GRIP1: variants seen among roughly 807,000 people sequenced by gnomAD.
The protein encoded by GRIP1 is glutamate receptor-interacting protein 1.
GRIP1 carries 45 observed loss-of-function variants against 129.9 expected under a neutral mutation model. The observed-to-expected ratio is 0.35, with a 90% CI of 0.27 to 0.44. GRIP1 has a LOEUF of 0.44. Ranked by LOEUF, GRIP1 falls within the 20% of genes least tolerant of loss-of-function variation. GRIP1 has a pLI of 1.00. For missense variants in GRIP1, 1,196 were observed against 1,396.8 expected (o/e 0.86, Z 2.29); for synonymous variants, 530 against 520.8 (o/e 1.02, Z -0.24).
chr12:66,488,696 G>GA (rs2060023181), intron 7 of GRIP1, among the ~76,000 whole-genome samples: 1 of 73,140 alleles, frequency 1.4e-5, no homozygotes, highest in Non-Finnish European at 2.7e-5. Flanking sequence ...CTGCTTTTTT[G>GA]AAAAAATTAA....
At chr12:66,563,316 C>T (rs1332637619) in intron 2 of GRIP1, among the ~76,000 whole-genome samples, 6 of 151,862 alleles carry the variant, frequency 4.0e-5, no homozygotes, top group Non-Finnish European at 8.8e-5. Context: ...GAGTTTGAGG[C>T]TTGGATTTAG....
intron 1 of GRIP1, among the ~76,000 whole-genome samples, chr12:66,648,632 G>A (rs575140582): frequency 1.3e-5 from 2 of 152,274 alleles, no homozygotes; most frequent in Admixed American, 6.5e-5. Flanking sequence ...TAATGTATTC[G>A]AGTCACCAAT....
intron 1 of GRIP1, among the ~76,000 whole-genome samples, chr12:67,002,868 T>C (rs1021286967): frequency 7.2e-5 from 11 of 152,236 alleles, no homozygotes; most frequent in Non-Finnish European, 1.3e-4. Flanking sequence ...AGAATCACAG[T>C]TGGCTTTTTG....
At chr12:67,013,980 C>T (rs1592467558) in intron 1 of GRIP1, among the ~76,000 whole-genome samples, 1 of 152,208 alleles carries the variant, frequency 6.6e-6, no homozygotes, top group Non-Finnish European at 1.5e-5. Context: ...GCTCTCTTTT[C>T]TGCTGACAAA....
chr12:66,861,992 C>A (rs767037560), intron 1 of GRIP1, among the ~76,000 whole-genome samples: 1 of 152,014 alleles, frequency 6.6e-6, no homozygotes, highest in Non-Finnish European at 1.5e-5. Flanking sequence ...AAGAACAGAT[C>A]ATTTAGGTCT....
chr12:66,980,496 A>G (rs7297650), intron 1 of GRIP1, among the ~76,000 whole-genome samples: 24,059 of 152,086 alleles, frequency 0.16, 2,013 homozygotes, highest in African/African-American at 0.19. Context: ...CTGTAGTCCC[A>G]GCTACTTGGG....
At chr12:66,819,265 G>T (rs1456611764) in intron 1 of GRIP1, among the ~76,000 whole-genome samples, 1 of 152,142 alleles carries the variant, frequency 6.6e-6, no homozygotes, top group Non-Finnish European at 1.5e-5. Flanking sequence ...AAGCTCAGTA[G>T]ATGGAAATTT....
intron 1 of GRIP1, among the ~76,000 whole-genome samples, chr12:66,734,060 AG>A (rs1470914961): frequency 6.6e-6 from 1 of 152,228 alleles, no homozygotes; most frequent in East Asian, 1.9e-4. Context: ...CAAAAGCAGC[AG>A]GAATCAAAGT....
chr12:66,803,213 TGAA>T (rs2038908064), intron 1 of GRIP1, among the ~76,000 whole-genome samples: 1 of 152,236 alleles, frequency 6.6e-6, no homozygotes, highest in Non-Finnish European at 1.5e-5. Context: ...AGATCCTTAT[TGAA>T]GAAGACAAAT....
At chr12:66,808,151 G>A (rs142283465), upstream of GRIP1, among the ~76,000 whole-genome samples, 1 of 152,120 alleles carries the variant, frequency 6.6e-6, no homozygotes, top group Non-Finnish European at 1.5e-5. Flanking sequence ...AGTAAGAGGT[G>A]CTATTTATCA....
intron 1 of GRIP1, among the ~76,000 whole-genome samples, chr12:66,837,367 TGA>T (rs761448181): frequency 5.3e-5 from 8 of 152,142 alleles, no homozygotes; most frequent in Non-Finnish European, 1.2e-4. Flanking sequence ...TCTATTTGGG[TGA>T]GTCAAGAAGA....
At chr12:66,860,982 C>CA (rs1384589642) in intron 1 of GRIP1, among the ~76,000 whole-genome samples, 12 of 151,872 alleles carry the variant, frequency 7.9e-5, no homozygotes, top group Admixed American at 7.9e-4. Context: ...CCTCAACACA[C>CA]AAAAAAGGGG....
At chr12:66,565,847 T>C (rs1335616641) in intron 2 of GRIP1, among the ~76,000 whole-genome samples, 2 of 152,212 alleles carry the variant, frequency 1.3e-5, no homozygotes, top group African/African-American at 4.8e-5. Context: ...TCATGTCCCT[T>C]GTAAGTGGGA....
chr12:66,651,674 C>T (rs1447787064), intron 1 of GRIP1, among the ~76,000 whole-genome samples: 1 of 151,904 alleles, frequency 6.6e-6, no homozygotes, highest in African/African-American at 2.4e-5. Context: ...GGCACACTGG[C>T]AACATGTTAA....
chr12:66,647,683 A>G (rs1244808367), intron 1 of GRIP1, among the ~76,000 whole-genome samples: 2 of 152,144 alleles, frequency 1.3e-5, no homozygotes, highest in Non-Finnish European at 2.9e-5. Context: ...CAAATCCAAC[A>G]TCACATATTC....
intron 1 of GRIP1, among the ~76,000 whole-genome samples, chr12:66,649,191 T>C (rs1165788370): frequency 6.6e-6 from 1 of 152,216 alleles, no homozygotes; most frequent in Non-Finnish European, 1.5e-5. Context: ...TTGAAGTTGG[T>C]CTGGCTCGAT....
intron 1 of GRIP1, among the ~76,000 whole-genome samples, chr12:66,924,087 C>T (rs1340265246): frequency 1.3e-5 from 2 of 152,100 alleles, no homozygotes; most frequent in African/African-American, 4.8e-5. Context: ...GCAGGTGATT[C>T]ACCCCCCTCG....
chr12:66,483,827 T>C (rs1028872019), intron 7 of GRIP1, among the ~76,000 whole-genome samples: 3 of 151,982 alleles, frequency 2.0e-5, no homozygotes, highest in Non-Finnish European at 4.4e-5. Flanking sequence ...CTCCTTTACA[T>C]TGCTCACCAT....
intron 1 of GRIP1, among the ~76,000 whole-genome samples, chr12:66,902,339 A>G (rs1457839263): frequency 6.6e-6 from 1 of 152,194 alleles, no homozygotes; most frequent in African/African-American, 2.4e-5. Flanking sequence ...TATCACCAAC[A>G]TGGATTAAAA....
Sources: gnomAD v4.1 joint callset for allele counts (sites outside exome capture counted in the v4.1 genomes callset) on GRCh38, gnomAD v4.1.1 for gene constraint, MANE v1.5 for transcripts, NCBI Gene and HGNC (gene_info 2026-07-23, HGNC 2026-07-21) for gene names.